The following NUDCD3 variants were observed in gnomAD, a reference collection of about 807,000 sequenced individuals.
The protein encoded by NUDCD3 is NudC domain containing 3, also known as nudC domain-containing protein 3.
In NUDCD3, 13 loss-of-function variants were observed where a neutral mutation model predicts 39.7. The observed-to-expected ratio is 0.33, with a 90% CI of 0.21 to 0.52. The LOEUF (loss-of-function observed/expected upper bound fraction) is 0.52, where lower values mean the gene tolerates loss of function less well. Ranked by LOEUF, NUDCD3 falls within the 20% of genes least tolerant of loss-of-function variation. The pLI is 0.96. For missense variants in NUDCD3, 453 were observed against 458.1 expected, an observed-to-expected ratio of 0.99 and a Z score of 0.10; for synonymous variants, 175 against 172.4, an observed-to-expected ratio of 1.02 and a Z score of -0.12.
chr7:44,391,711 C>T lies in NUDCD3; in HGVS notation c.975+586G>A, dbSNP rs1451458657. ...CAACCCTTTTTTCCCTAAATAGCTA[C>T]TCTTGGAGTTATTAAAATAGGAAGA... On this transcript the variant is annotated intron_variant, in intron 5 of 5. Transcript: ENST00000355451. Among the ~76,000 whole-genome samples, 7 of 152,298 alleles carry T rather than the reference C, an allele frequency of 4.6e-5. No homozygotes were observed. The East Asian group carries it at 1.3e-3, about 29-fold the overall frequency.
chr7:44,431,082 A>G (rs1799354903), intron 2 of NUDCD3, among the ~76,000 whole-genome samples: 1 of 152,192 alleles, frequency 6.6e-6, no homozygotes, highest in Non-Finnish European at 1.5e-5. Context: ...TGCACATTCT[A>G]TTTAAATAAG....
At position 44,380,967 on chromosome 7, in the gene NUDCD3, G is replaced by C. The variant is rs554562732; in HGVS notation, c.*5044C>G. On this transcript the variant is annotated 3_prime_UTR_variant, in exon 6 of 6. Coordinates refer to ENST00000355451, the MANE Select transcript of NUDCD3 (RefSeq NM_015332.4). ...TAAGAAGGGCTTGGGGCAGTGCTCC[G>C]CTGGCAGGCAGACAAGGCAGGCAGG... is the stretch of plus-strand genomic sequence containing the variant. 2 of 152,340 alleles carry C rather than the reference G, an allele frequency of 1.3e-5. No individual in the cohort carries two copies. Among genetic ancestry groups the C allele is most frequent in the Non-Finnish European group, 2.9e-5 (2 of 68,100 alleles). 9.4% of individuals were successfully genotyped at this position (152,340 alleles called of 1,614,324 possible).
At chr7:44,461,959 C>T (rs1312074356) in intron 2 of NUDCD3, among the ~76,000 whole-genome samples, 1 of 152,122 alleles carries the variant, frequency 6.6e-6, no homozygotes, top group Non-Finnish European at 1.5e-5. Flanking sequence ...TGTTCAAGTG[C>T]CTGGCTCCGT....
chr7:44,431,668 C>CTTTTT (rs755819096), intron 2 of NUDCD3, among the ~76,000 whole-genome samples: 21 of 120,842 alleles, frequency 1.7e-4, no homozygotes, highest in Non-Finnish European at 2.8e-4. Context: ...TCTCTCCTTC[C>CTTTTT]TTTTTTTTTT....
In NUDCD3 at chr7:44,471,420, C is replaced by T. The variant is rs1488886263; in HGVS notation, c.509+13548G>A. Among the ~76,000 whole-genome samples, 6 of 152,130 alleles carry T rather than the reference C, an allele frequency of 3.9e-5. 1 individual carries two copies. The South Asian group carries it at 6.2e-4, about 16-fold the overall frequency. On this transcript the variant is annotated intron_variant, in intron 2 of 5. Transcript: ENST00000355451. ...TTGGTTGGATCTGCAGATGTGGAAC[C>T]GAAGGATACAGAGGGCCAACTGTAC...
At chr7:44,472,527 A>C (rs1160219762) in intron 2 of NUDCD3, among the ~76,000 whole-genome samples, 1 of 152,228 alleles carries the variant, frequency 6.6e-6, no homozygotes, top group Non-Finnish European at 1.5e-5. Flanking sequence ...TTTCAACAGA[A>C]TTTTCATACA....
At chr7:44,469,601 A>G (rs1800210026) in intron 2 of NUDCD3, among the ~76,000 whole-genome samples, 1 of 152,198 alleles carries the variant, frequency 6.6e-6, no homozygotes, top group African/African-American at 2.4e-5. Flanking sequence ...TTAATTACAA[A>G]AAGGAACACA....
intron 4 of NUDCD3, among the ~76,000 whole-genome samples, chr7:44,392,840 A>G (rs1188148367): frequency 6.6e-6 from 1 of 152,046 alleles, no homozygotes; most frequent in Non-Finnish European, 1.5e-5. Context: ...GCTATTTTCC[A>G]AGACCCATGA....
At position 44,461,812 on chromosome 7, in the gene NUDCD3, G is replaced by C. The variant is rs1585095085; in HGVS notation, c.509+23156C>G. ...AATGCCAGAAATGCTTCCTAGAGAA[G>C]GTGGTGCCTGTGCTGGCCTTCATGG... is the stretch of plus-strand genomic sequence containing the variant. On this transcript the variant is annotated intron_variant, in intron 2 of 5. Coordinates refer to ENST00000355451, the MANE Select transcript of NUDCD3 (RefSeq NM_015332.4). Among the ~76,000 whole-genome samples, 7 of 152,308 alleles carry C rather than the reference G, an allele frequency of 4.6e-5. No individual in the cohort carries two copies. In the South Asian group the frequency reaches 1.2e-3, roughly 27 times the overall value.
At chr7:44,477,123 G>T (rs1250678022) in intron 2 of NUDCD3, among the ~76,000 whole-genome samples, 1 of 152,140 alleles carries the variant, frequency 6.6e-6, no homozygotes, top group Non-Finnish European at 1.5e-5. Flanking sequence ...CAGGTATTAT[G>T]TTCTAACGGG....
Position 44,479,123 on chromosome 7 carries a change from A to G in NUDCD3, c.509+5845T>C, listed in dbSNP as rs75137413. 6.3e-3 allele frequency among the ~76,000 whole-genome samples: 959 copies of G among 152,324 alleles called. 3 individuals carry two copies. Among genetic ancestry groups the G allele is most frequent in the Non-Finnish European group, 0.011 (734 of 68,032 alleles). On this transcript the variant is annotated intron_variant, in intron 2 of 5. Transcript: ENST00000355451. Reference sequence around the variant, plus strand: ...TCACTATCACGAGAACCACATGGATATAACTGCCCCCATGATTCACTGCCT... The same window carrying G: ...TCACTATCACGAGAACCACATGGATGTAACTGCCCCCATGATTCACTGCCT...
intron 5 of NUDCD3, among the ~76,000 whole-genome samples, chr7:44,391,831 CT>C (rs1237502961): frequency 1.3e-5 from 2 of 152,196 alleles, no homozygotes; most frequent in Admixed American, 1.3e-4. Flanking sequence ...TCTCTTCCTC[CT>C]CCCTAACCCA....
In NUDCD3 at chr7:44,384,806, C is replaced by T. The variant is rs1798372717; in HGVS notation, c.*1205G>A. 6.6e-6 allele frequency: 1 copy of T among 152,230 alleles called. No individual in the cohort carries two copies. The highest frequency in any genetic ancestry group is 2.4e-5 in the African/African-American group (1 of 41,430). The allele number at this position is 152,230 out of a possible 1,614,324, so 9.4% of individuals were successfully genotyped here. A position where few individuals can be genotyped will look rare whatever the true frequency, so the allele number is the denominator to read the frequency against. Reference sequence around the variant, plus strand: ...GAACCATACTCCCGGCGATGGGCACCCAGAGCCCCTGTGAGTACTTGGAAC... The same window carrying T: ...GAACCATACTCCCGGCGATGGGCACTCAGAGCCCCTGTGAGTACTTGGAAC... On this transcript the variant is annotated 3_prime_UTR_variant, in exon 6 of 6. Transcript: ENST00000355451.
intron 2 of NUDCD3, among the ~76,000 whole-genome samples, chr7:44,457,095 G>A (rs1216518448): frequency 6.6e-6 from 1 of 151,936 alleles, no homozygotes; most frequent in East Asian, 1.9e-4. Flanking sequence ...CAAGGAAGTT[G>A]GTGACCCCTG....
In NUDCD3 at chr7:44,385,742, C is replaced by T; in HGVS notation, c.*269G>A. The stretch of plus-strand genomic sequence containing the variant: ...TGCTGTGGAGACAAAAGCATGTGAT[C>T]CCAATTTGCTGGGATATCCTCTCCT... On this transcript the variant is annotated 3_prime_UTR_variant, in exon 6 of 6. Transcript: ENST00000355451. The T allele has an allele frequency of 2.3e-6, 1 of 441,330 alleles. No individual in the cohort carries two copies. The highest frequency in any genetic ancestry group is 4.2e-5 in the South Asian group (1 of 23,896). The allele number at this position is 441,330 out of a possible 1,614,324, so 27.3% of individuals were successfully genotyped here. A position where few individuals can be genotyped will look rare whatever the true frequency, so the allele number is the denominator to read the frequency against.
intron 4 of NUDCD3, among the ~76,000 whole-genome samples, chr7:44,403,313 G>T (rs964244081): frequency 2.0e-5 from 3 of 152,248 alleles, no homozygotes; most frequent in African/African-American, 7.2e-5. Context: ...ATCACACATA[G>T]GGCCTCACGT....
intron 2 of NUDCD3, among the ~76,000 whole-genome samples, chr7:44,479,369 T>C (rs1051683183): frequency 9.2e-5 from 14 of 152,132 alleles, no homozygotes; most frequent in Non-Finnish European, 1.8e-4. Context: ...CTGTATACAG[T>C]AATGAACACC....
chr7:44,458,371 G>A (rs1799941688), intron 2 of NUDCD3, among the ~76,000 whole-genome samples: 1 of 152,194 alleles, frequency 6.6e-6, no homozygotes, highest in Non-Finnish European at 1.5e-5. Flanking sequence ...TAATAAAAAT[G>A]TTCTGGGGCC....
chr7:44,396,947 G>A (rs1365778937), intron 4 of NUDCD3, among the ~76,000 whole-genome samples: 1 of 150,758 alleles, frequency 6.6e-6, no homozygotes, highest in African/African-American at 2.4e-5. Flanking sequence ...TTTTACATTT[G>A]TTTTTGTTTT....
Sources: gnomAD v4.1 joint callset for allele counts (sites outside exome capture counted in the v4.1 genomes callset) on GRCh38, gnomAD v4.1.1 for gene constraint, MANE v1.5 for transcripts, NCBI Gene and HGNC (gene_info 2026-07-23, HGNC 2026-07-21) for gene names.